ZNF492: variants seen among roughly 807,000 people sequenced by gnomAD.
The protein encoded by ZNF492 is zinc finger protein 115 (Y20).
In ZNF492, 3 loss-of-function variants were observed where a neutral mutation model predicts 6.4. The ratio of observed to expected loss-of-function variants is 0.47; its 90% CI spans 0.21 to 1.22. The LOEUF is 1.22. ZNF492 is among the 50% of genes most tolerant of loss of function. The pLI is 0.22. For synonymous variants in ZNF492, 112 were observed against 205.3 expected (o/e 0.55, Z 3.89); for missense variants, 356 against 612.5 (o/e 0.58, Z 4.42).
chr19:22,654,301 T>C (rs1971971696), intron 3 of ZNF492, among the ~76,000 whole-genome samples: 1 of 152,134 alleles, frequency 6.6e-6, no homozygotes, highest in Non-Finnish European at 1.5e-5. Flanking sequence ...AATCTGACTT[T>C]TTCACTGTTT....
intron 1 of ZNF492, among the ~76,000 whole-genome samples, chr19:22,640,752 C>A (rs1026457145): frequency 1.3e-5 from 2 of 152,114 alleles, no homozygotes; most frequent in African/African-American, 4.8e-5. Flanking sequence ...CTGGTCCTAG[C>A]CTATTTTGGT....
At chr19:22,640,325 C>T (rs1195953899) in intron 1 of ZNF492, among the ~76,000 whole-genome samples, 1 of 152,092 alleles carries the variant, frequency 6.6e-6, no homozygotes, top group Non-Finnish European at 1.5e-5. Flanking sequence ...CCACGCTCGG[C>T]TAATTTTTGT....
At chr19:22,634,570 G>C (rs1971740700) in intron 1 of ZNF492, 96 bp downstream of exon 1, 1 of 1,189,530 alleles carries the variant, frequency 8.4e-7, no homozygotes, top group Non-Finnish European at 1.2e-6. Flanking sequence ...CCCCGCAGTC[G>C]GCTCCACAAT....
At chr19:22,636,389 C>T (rs1160330652) in intron 1 of ZNF492, among the ~76,000 whole-genome samples, 1 of 152,092 alleles carries the variant, frequency 6.6e-6, no homozygotes, top group African/African-American at 2.4e-5. Flanking sequence ...AGCCACCGCG[C>T]CCAGCCTCAG....
rs568158361 is a variant in ZNF492, at chr19:22,639,699, G to A, written c.-94+5225G>A. The stretch of plus-strand genomic sequence containing the variant: ...GCACCCCAGCCTGGGCAATAAGAGC[G>A]AAACTTGGTCTCAAAAAAAAAAAAA... On this transcript the variant is annotated intron_variant, in intron 1 of 3. Coordinates refer to ENST00000456783, the MANE Select transcript of ZNF492 (RefSeq NM_020855.3). Among the ~76,000 whole-genome samples, 540 of 132,144 alleles carry A rather than the reference G, an allele frequency of 4.1e-3. 4 individuals are homozygous for A. The highest frequency in any genetic ancestry group is 0.014 in the African/African-American group (511 of 35,654). 86.7% of individuals were successfully genotyped at this position (132,144 alleles called of 152,430 possible).
intron 3 of ZNF492, among the ~76,000 whole-genome samples, chr19:22,657,084 C>T (rs1321863591): frequency 2.0e-5 from 3 of 152,084 alleles, no homozygotes; most frequent in Non-Finnish European, 2.9e-5. Context: ...TTTCTACTTT[C>T]TATTTCAATT....
intron 1 of ZNF492, among the ~76,000 whole-genome samples, chr19:22,650,788 T>A (rs904618903): frequency 6.6e-6 from 1 of 152,132 alleles, no homozygotes; most frequent in Non-Finnish European, 1.5e-5. Context: ...GGGAAAAGCA[T>A]GGCCAGGAGC....
At chr19:22,638,999 G>C (rs1438082670) in intron 1 of ZNF492, among the ~76,000 whole-genome samples, 1 of 151,748 alleles carries the variant, frequency 6.6e-6, no homozygotes, top group Non-Finnish European at 1.5e-5. Context: ...CTGCCACCAC[G>C]CCTGGCTAAT....
At position 22,656,947 on chromosome 19, in the gene ZNF492, G is replaced by C. The variant is rs192880906; in HGVS notation, c.130+2932G>C. Among the ~76,000 whole-genome samples the C allele has an allele frequency of 2.1e-3, 313 of 152,218 alleles. 1 individual carries two copies. Among genetic ancestry groups the C allele is most frequent in the Non-Finnish European group, 3.6e-3 (243 of 68,026 alleles). On this transcript the variant is annotated intron_variant, in intron 3 of 3. Coordinates refer to ENST00000456783, the MANE Select transcript of ZNF492 (RefSeq NM_020855.3). ...ATTTCTCATTACAGGTTTGAGTCATGATTCCTGTTTCTCTCATAAAGGCAT... is the reference window on the plus strand; with the variant it reads ...ATTTCTCATTACAGGTTTGAGTCATCATTCCTGTTTCTCTCATAAAGGCAT...
intron 3 of ZNF492, among the ~76,000 whole-genome samples, chr19:22,660,967 T>C (rs1180178378): frequency 6.6e-6 from 1 of 151,910 alleles, no homozygotes; most frequent in East Asian, 1.9e-4. Flanking sequence ...CTTTCTGATC[T>C]GCAGAATTTT....
In ZNF492 at chr19:22,652,228, T is replaced by TGCATTTATCTGTCTTTGGAAAATGAAAGC. The variant is rs1568354745; in HGVS notation, c.-93-1079_-93-1078insGCATTTATCTGTCTTTGGAAAATGAAAGC. On this transcript the variant is annotated intron_variant, in intron 1 of 3. Transcript: ENST00000456783. ...CAGCTGACCTTTCTTAGGCTTTTTT[T>TGCATTTATCTGTCTTTGGAAAATGAAAGC]TTTTTTTTTTGAGACGGAGTCTCGC... is the stretch of plus-strand genomic sequence containing the variant. Among the ~76,000 whole-genome samples the TGCATTTATCTGTCTTTGGAAAATGAAAGC allele has an allele frequency of 5.2e-4, 62 of 119,492 alleles. 2 individuals are homozygous for TGCATTTATCTGTCTTTGGAAAATGAAAGC. Among genetic ancestry groups the TGCATTTATCTGTCTTTGGAAAATGAAAGC allele is most frequent in the Middle Eastern group, 3.9e-3 (1 of 256 alleles). The allele number at this position is 119,492 out of a possible 152,430, so 78.4% of individuals were successfully genotyped here.
At chr19:22,634,567 G>A (rs1021022551) in intron 1 of ZNF492, 93 bp downstream of exon 1, 8 of 1,203,126 alleles carry the variant, frequency 6.6e-6, no homozygotes, top group Non-Finnish European at 9.6e-6. Context: ...CCTCCCCGCA[G>A]TCGGCTCCAC....
chr19:22,653,602 A>C (rs1385671653), intron 2 of ZNF492, among the ~76,000 whole-genome samples, 169 bp downstream of exon 2: 1 of 151,796 alleles, frequency 6.6e-6, no homozygotes. Context: ...TTTGACCTGA[A>C]CTTTCCACAC....
chr19:22,648,991 A>T (rs1971912523), intron 1 of ZNF492, among the ~76,000 whole-genome samples: 1 of 152,078 alleles, frequency 6.6e-6, no homozygotes, highest in Non-Finnish European at 1.5e-5. Flanking sequence ...GCATCTGGTT[A>T]TTTTGCACAC....
intron 3 of ZNF492, among the ~76,000 whole-genome samples, chr19:22,654,852 C>T (rs1296594902): frequency 6.0e-5 from 9 of 150,222 alleles, no homozygotes; most frequent in Non-Finnish European, 1.0e-4. Context: ...CCGCCCACCT[C>T]GGCCTCCCAG....
At chr19:22,634,619 C>A in intron 1 of ZNF492, 145 bp downstream of exon 1, 2 of 915,314 alleles carry the variant, frequency 2.2e-6, no homozygotes, top group Non-Finnish European at 3.3e-6. Flanking sequence ...CAGCCTCAGT[C>A]CCCTTCAGCC....
chr19:22,664,890 A>T lies in ZNF492; in HGVS notation c.1221A>T (p.Gln407His), dbSNP rs567720806. The T allele has an allele frequency of 6.2e-7, 1 of 1,606,022 alleles. No homozygotes were observed. Among genetic ancestry groups the T allele is most frequent in the Non-Finnish European group, 8.5e-7 (1 of 1,176,212 alleles). Residue 407 changes from glutamine (Q) to histidine (H), a missense_variant, in exon 4 of 4, where the codon CAA becomes CAT. Transcript: ENST00000456783. ...GCAAAGCTTTTAACCTATCGTCACA[A>T]CTTACTACACATAAGATAATTCATA... ...ECGKAFNLSS[Q>H]LTTHKIIHTG...
At chr19:22,659,204 GT>G (rs993491358) in intron 3 of ZNF492, among the ~76,000 whole-genome samples, 30 of 149,778 alleles carry the variant, frequency 2.0e-4, no homozygotes, top group African/African-American at 7.0e-4. Context: ...TTTTTTTCTC[GT>G]TGTATACTCA....
intron 1 of ZNF492, among the ~76,000 whole-genome samples, chr19:22,636,049 CTGTT>C (rs1971758356): frequency 6.6e-6 from 1 of 151,314 alleles, no homozygotes; most frequent in African/African-American, 2.4e-5. Flanking sequence ...GCCTCACTGT[CTGTT>C]GTTCCCTCTT....
Sources: gnomAD v4.1 joint callset for allele counts (sites outside exome capture counted in the v4.1 genomes callset) on GRCh38, gnomAD v4.1.1 for gene constraint, MANE v1.5 for transcripts, NCBI Gene and HGNC (gene_info 2026-07-23, HGNC 2026-07-21) for gene names.